The following THUMPD3 variants were observed in gnomAD, a reference collection of about 807,000 sequenced individuals.
THUMPD3 encodes the protein tRNA (guanine(6)-N(2))-methyltransferase THUMP3.
In THUMPD3, 44 loss-of-function variants were observed where a neutral mutation model predicts 54.5. That is an observed-to-expected ratio of 0.81 (90% CI 0.63 to 1.04). The LOEUF is 1.04. Among genes scored for constraint, THUMPD3 ranks in the 50% least tolerant of loss-of-function variants. The pLI, the probability that THUMPD3 is intolerant of heterozygous loss-of-function variation, is 0.00. For missense variants in THUMPD3, 604 were observed against 601.3 expected, an observed-to-expected ratio of 1.00 and a Z score of -0.05; for synonymous variants, 196 against 201.4, an observed-to-expected ratio of 0.97 and a Z score of 0.23.
rs1287266697 is a variant in THUMPD3, at chr3:9,377,901, C to T, written c.1008+13C>T. 4.4e-6 allele frequency: 7 copies of T among 1,602,422 alleles called. No individual in the cohort carries two copies. The highest frequency in any genetic ancestry group is 2.7e-5 in the African/African-American group (2 of 74,690). On this transcript the variant is annotated intron_variant, in intron 6 of 9. Transcript: ENST00000452837. ...AATACCAATAGAGGTAATCATATTT[C>T]TTTAGCTTTTAGATAAGAGTGATAC...
intron 6 of THUMPD3, among the ~76,000 whole-genome samples, chr3:9,378,281 T>C (rs1328023317): frequency 6.6e-6 from 1 of 152,238 alleles, no homozygotes; most frequent in Non-Finnish European, 1.5e-5. Flanking sequence ...GGAATAAGTA[T>C]AGTTGTAAAA....
intron 8 of THUMPD3, 34 bp from the exon 9 acceptor site, chr3:9,384,178 G>A (rs752256759): frequency 1.9e-6 from 3 of 1,603,846 alleles, no homozygotes; most frequent in African/African-American, 2.7e-5. Context: ...TGTATCTTTT[G>A]CAAGTGTTTG....
chr3:9,378,501 G>C (rs938214697), intron 6 of THUMPD3, among the ~76,000 whole-genome samples: 1 of 152,174 alleles, frequency 6.6e-6, no homozygotes, highest in Admixed American at 6.5e-5. Flanking sequence ...TGTTTTTAAA[G>C]AATTTAGAAG....
At chr3:9,368,156 T>C (rs2125310988) in intron 3 of THUMPD3, among the ~76,000 whole-genome samples, 1 of 152,278 alleles carries the variant, frequency 6.6e-6, no homozygotes, top group Admixed American at 6.5e-5. Flanking sequence ...ATGAGTTCTC[T>C]TAAGTATTCA....
At position 9,386,401 on chromosome 3, in the gene THUMPD3, C is replaced by T. The variant is rs1433280600; in HGVS notation, c.*1713C>T. 2.7e-5 allele frequency: 4 copies of T among 149,886 alleles called. No homozygotes were observed. The highest frequency in any genetic ancestry group is 2.2e-4 in the South Asian group (1 of 4,650). The allele number at this position is 149,886 out of a possible 1,614,324, so 9.3% of individuals were successfully genotyped here. A position where few individuals can be genotyped will look rare whatever the true frequency, so the allele number is the denominator to read the frequency against. ...CCCCCCCACCCCCCACTCCACCCCC[C>T]ACTAAGGGCAGGGTATTGTATCTGC... On this transcript the variant is annotated 3_prime_UTR_variant, in exon 10 of 10. Coordinates refer to ENST00000452837, the MANE Select transcript of THUMPD3 (RefSeq NM_001114092.2).
At chr3:9,377,351 A>G (rs909012410) in intron 5 of THUMPD3, among the ~76,000 whole-genome samples, 2 of 152,160 alleles carry the variant, frequency 1.3e-5, no homozygotes, top group African/African-American at 2.4e-5. Flanking sequence ...TATACAGTCA[A>G]CATATCATTA....
At chr3:9,378,610 A>G (rs1397330759) in intron 6 of THUMPD3, among the ~76,000 whole-genome samples, 1 of 152,248 alleles carries the variant, frequency 6.6e-6, no homozygotes, top group Non-Finnish European at 1.5e-5. Flanking sequence ...AGGGAGACAC[A>G]GCAGATTATA....
Position 9,386,755 on chromosome 3 carries a change from A to C in THUMPD3, c.*2067A>C, listed in dbSNP as rs924687403. 4 of 152,166 alleles carry C rather than the reference A, an allele frequency of 2.6e-5. No homozygotes were observed. Among genetic ancestry groups the C allele is most frequent in the Non-Finnish European group, 5.9e-5 (4 of 68,022 alleles). 9.4% of individuals were successfully genotyped at this position (152,166 alleles called of 1,614,324 possible). On this transcript the variant is annotated 3_prime_UTR_variant, in exon 10 of 10. Coordinates refer to ENST00000452837, the MANE Select transcript of THUMPD3 (RefSeq NM_001114092.2). ...GGTCTCCTGGACTAAAAGAATGTGA[A>C]AAGATGGGGAAATAAATCTGTAATC... is the stretch of plus-strand genomic sequence containing the variant.
At chr3:9,380,174 A>G (rs2032770767) in intron 6 of THUMPD3, among the ~76,000 whole-genome samples, 1 of 152,146 alleles carries the variant, frequency 6.6e-6, no homozygotes, top group South Asian at 2.1e-4. Context: ...TGAGAGGCAT[A>G]AAGGGGAAGA....
intron 5 of THUMPD3, 92 bp from the exon 6 acceptor site, chr3:9,377,727 G>A (rs2125325782): frequency 1.1e-6 from 1 of 947,402 alleles, no homozygotes. Context: ...GGCTAGTGTG[G>A]TAGGTCCTCA....
intron 9 of THUMPD3, 78 bp downstream of exon 9, chr3:9,384,413 A>G (rs1378200132): frequency 6.3e-7 from 1 of 1,596,362 alleles, no homozygotes; most frequent in Admixed American, 1.7e-5. Context: ...GTTTGTTTGG[A>G]TAAGATTTGT....
intron 4 of THUMPD3, among the ~76,000 whole-genome samples, chr3:9,372,082 G>T (rs747816025): frequency 6.6e-6 from 1 of 152,112 alleles, no homozygotes; most frequent in Non-Finnish European, 1.5e-5. Context: ...TCACCCTGTT[G>T]GCCAGGCTGG....
intron 5 of THUMPD3, among the ~76,000 whole-genome samples, chr3:9,376,224 T>C (rs1446055764): frequency 6.6e-6 from 1 of 152,164 alleles, no homozygotes; most frequent in Non-Finnish European, 1.5e-5. Context: ...AAGAGAAATC[T>C]TGGGGATTCT....
intron 6 of THUMPD3, 51 bp from the exon 7 acceptor site, chr3:9,380,452 C>A: frequency 8.3e-7 from 1 of 1,207,408 alleles, no homozygotes. Context: ...ACAATTTAAT[C>A]ATATTTTACA....
Position 9,380,474 on chromosome 3 carries a change from T to G in THUMPD3, c.1009-29T>G, listed in dbSNP as rs1012052330. 2.1e-6 allele frequency: 3 copies of G among 1,459,008 alleles called. No homozygotes were observed. The African/African-American group carries it at 4.2e-5, about 21-fold the overall frequency. The allele number at this position is 1,459,008 out of a possible 1,614,324, so 90.4% of individuals were successfully genotyped here. A position where few individuals can be genotyped will look rare whatever the true frequency, so the allele number is the denominator to read the frequency against. ...AATCATATTTTACAGTTTGCTACTT[T>G]TGTTTTAACATACACTCTTATCTTT... On this transcript the variant is annotated intron_variant, in intron 6 of 9. Transcript: ENST00000452837.
chr3:9,368,662 C>T (rs1187223503), intron 3 of THUMPD3, among the ~76,000 whole-genome samples: 2 of 152,002 alleles, frequency 1.3e-5, no homozygotes, highest in African/African-American at 4.8e-5. Flanking sequence ...CGCCTGGCCT[C>T]CATCTGCCTT....
chr3:9,372,880 G>A (rs1489613346), intron 4 of THUMPD3, among the ~76,000 whole-genome samples: 1 of 152,056 alleles, frequency 6.6e-6, no homozygotes, highest in East Asian at 1.9e-4. Flanking sequence ...TTGAATCTGG[G>A]GCAAGTCACT....
At chr3:9,373,744 C>T (rs964205000) in intron 4 of THUMPD3, among the ~76,000 whole-genome samples, 3 of 152,148 alleles carry the variant, frequency 2.0e-5, no homozygotes, top group East Asian at 1.9e-4. Flanking sequence ...GACAGGGTCT[C>T]GCTGTATCAC....
chr3:9,384,558 T>C lies in THUMPD3; in HGVS notation c.1394T>C (p.Val465Ala). ...LSGMRHVWRKVDTVWVNVGGL... is the reference protein window; with the variant it reads ...LSGMRHVWRKADTVWVNVGGL... The stretch of plus-strand genomic sequence containing the variant: ...GGAATGCGACACGTATGGCGAAAGG[T>C]GGATACAGTCTGGGTGAACGTTGGT... The change falls in exon 10 of 10, where the codon GTG becomes GCG. Residue 465 changes from valine (V) to alanine (A), a missense_variant. Transcript: ENST00000452837. 1 of 1,614,200 alleles carries C rather than the reference T, an allele frequency of 6.2e-7. No individual in the cohort carries two copies. Among genetic ancestry groups the C allele is most frequent in the South Asian group, 1.1e-5 (1 of 91,086 alleles).
Sources: gnomAD v4.1 joint callset for allele counts (sites outside exome capture counted in the v4.1 genomes callset) on GRCh38, gnomAD v4.1.1 for gene constraint, MANE v1.5 for transcripts, NCBI Gene and HGNC (gene_info 2026-07-23, HGNC 2026-07-21) for gene names.